Variants in XPNPEP2 observed in about 807,000 individuals in gnomAD.
The protein encoded by XPNPEP2 is xaa-Pro aminopeptidase 2.
A neutral mutation model predicts 59.8 loss-of-function variants in XPNPEP2; 64 were observed. The ratio of observed to expected loss-of-function variants is 1.07; its 90% CI spans 0.87 to 1.32. XPNPEP2 has a LOEUF of 1.32. Among genes scored for constraint, XPNPEP2 ranks in the 40% most tolerant of loss-of-function variants. The probability of loss-of-function intolerance (pLI) is 0.00; values close to 1 mark genes in which losing one functional copy is unlikely to be tolerated. For missense variants in XPNPEP2, 575 were observed against 546.8 expected (o/e 1.05, Z -0.51); for synonymous variants, 235 against 210.0 (o/e 1.12, Z -1.03).
intron 4 of XPNPEP2, 141 bp from the exon 5 acceptor site, chrX:129,746,095 C>T (rs1462426501): frequency 9.8e-6 from 5 of 509,964 alleles, no homozygotes; most frequent in Non-Finnish European, 1.3e-5. Context: ...TCCTTCCTCA[C>T]TTCTTTCCAA....
chrX:129,743,321 T>A (rs1045534175), intron 2 of XPNPEP2, among the ~76,000 whole-genome samples: 38 of 112,029 alleles, frequency 3.4e-4, no homozygotes, highest in Non-Finnish European at 6.6e-4. Flanking sequence ...CTGGGCAATA[T>A]CTCAAACTGC....
chrX:129,757,873 A>AAGAG (rs200174393), intron 14 of XPNPEP2, among the ~76,000 whole-genome samples: 9 of 66,732 alleles, frequency 1.3e-4, no homozygotes, highest in African/African-American at 4.9e-4. Context: ...GAGAGAGAGA[A>AAGAG]AGAGAGAGAG....
At position 129,752,193 on chromosome X, in the gene XPNPEP2, T is replaced by A; in HGVS notation, c.865T>A (p.Tyr289Asn). The A allele has an allele frequency of 8.3e-7, 1 of 1,211,462 alleles. No homozygotes were observed. The change falls in exon 10 of 21, where the codon TAT becomes AAT. Residue 289 changes from tyrosine to asparagine, a missense_variant. Coordinates refer to ENST00000371106, the MANE Select transcript of XPNPEP2 (RefSeq NM_003399.6). ...TCGCTTTAGCTCCGAAACCTTGAGC[T>A]ATCTGAACTCCAGTTGCACAGGCCC... ...KSRFSSETLS[Y>N]LNSSCTGPMC...
rs1354740609 is a variant in XPNPEP2 at position 129,739,243 on chromosome X, C to G, written c.30C>G (p.Pro10=). The change falls in exon 1 of 21, where the codon CCC becomes CCG. Residue 10 remains proline, a synonymous_variant. Coordinates refer to ENST00000371106, the MANE Select transcript of XPNPEP2 (RefSeq NM_003399.6). ...CCCGGGCTCACTGGGGCTGCTGCCC[C>G]TGGCTGGTCCTCCTCTGTGGTATGT... MARAHWGCC[P]WLVLLCACAW... The G allele has an allele frequency of 1.7e-6, 2 of 1,209,778 alleles. No homozygotes were observed.
intron 11 of XPNPEP2, 136 bp from the exon 12 acceptor site, chrX:129,754,336 A>G: frequency 2.0e-6 from 1 of 511,000 alleles, no homozygotes; most frequent in Non-Finnish European, 3.1e-6. Context: ...ACTAACAAGA[A>G]TTCTTTGACA....
chrX:129,766,250 G>A (rs1318960712), intron 19 of XPNPEP2, among the ~76,000 whole-genome samples: 2 of 112,106 alleles, frequency 1.8e-5, no homozygotes, highest in African/African-American at 6.5e-5. Context: ...TGCACAGAAA[G>A]ACTCTTTTCC....
At chrX:129,747,143 G>A (rs1301798195) in intron 6 of XPNPEP2, among the ~76,000 whole-genome samples, 4 of 111,930 alleles carry the variant, frequency 3.6e-5, no homozygotes, top group Non-Finnish European at 7.5e-5. Flanking sequence ...GAGTTCTGGG[G>A]CCTCAGACAG....
rs370850170 is a variant in XPNPEP2 at position 129,755,361 on chromosome X, G to A, written c.1285G>A (p.Ala429Thr). The A allele has an allele frequency of 1.7e-5, 21 of 1,209,476 alleles. No homozygotes were observed. The highest frequency in any genetic ancestry group is 2.1e-5 in the Non-Finnish European group (19 of 894,764). Residue 429 changes from alanine to threonine, a missense_variant, in exon 13 of 21, where the codon GCC becomes ACC. Coordinates refer to ENST00000371106, the MANE Select transcript of XPNPEP2 (RefSeq NM_003399.6). ...TGCTAGTGGTCTGAATGCTGCCCTG[G>A]CCCACTACAGGTACTTGAGGAAAAA... ...ISASGLNAALAHYSPTKELNR... is the reference protein window; with the variant it reads ...ISASGLNAALTHYSPTKELNR...
At chrX:129,756,703 A>G (rs1179567547) in intron 14 of XPNPEP2, 148 bp downstream of exon 14, 6 of 543,565 alleles carry the variant, frequency 1.1e-5, no homozygotes, top group African/African-American at 7.0e-5. Flanking sequence ...CATCCTACCC[A>G]TTTTCACACA....
rs764763670 is a variant in XPNPEP2 at position 129,767,622 on chromosome X, C to A, written c.1760C>A (p.Thr587Asn). Residue 587 changes from threonine (T) to asparagine (N), a missense_variant, in exon 20 of 21, where the codon ACC (threonine) becomes AAC (asparagine). Physicochemically the swap from Thr to Asn is moderately conservative, Grantham distance 65. Coordinates refer to ENST00000371106, the MANE Select transcript of XPNPEP2 (RefSeq NM_003399.6). ...TCCCAGTACCCAGGGAGCTACCTGA[C>A]CTTTGAAGTGGTATCATTTGTGCCC... The part of the protein sequence containing the change: ...AKTKYPGSYL[T>N]FEVVSFVPYD... 1.7e-6 allele frequency: 2 copies of A among 1,211,734 alleles called. No homozygotes were observed. The highest frequency in any genetic ancestry group is 2.2e-6 in the Non-Finnish European group (2 of 895,434).
chrX:129,740,496 G>A (rs184641316), intron 1 of XPNPEP2, among the ~76,000 whole-genome samples: 170 of 110,385 alleles, frequency 1.5e-3, no homozygotes, highest in Middle Eastern at 9.4e-3. Context: ...GCATGGTGGC[G>A]CACGCTTGTA....
At chrX:129,750,618 C>G in intron 8 of XPNPEP2, 49 bp downstream of exon 8, 1 of 1,036,576 alleles carries the variant, frequency 9.6e-7, no homozygotes, top group African/African-American at 1.8e-5. Context: ...CTCCCCAATG[C>G]CCCAAGCCTC....
intron 14 of XPNPEP2, among the ~76,000 whole-genome samples, chrX:129,757,808 A>AAAGAAAGAAAGAAAG (rs1926558336): frequency 1.2e-5 from 1 of 81,360 alleles, no homozygotes; most frequent in Admixed American, 1.4e-4. Flanking sequence ...AGAAAGAAAG[A>AAAGAAAGAAAGAAAG]AAGAAAGAAA....
rs1219272344 is a variant in XPNPEP2, at chrX:129,739,176, G to A, written c.-38G>A. 5.8e-6 allele frequency: 7 copies of A among 1,198,426 alleles called. No homozygotes were observed. The East Asian group carries it at 2.1e-4, about 36-fold the overall frequency. On this transcript the variant is annotated 5_prime_UTR_variant, in exon 1 of 21. Transcript: ENST00000371106. ...GGAAAGAGCCCTCCCTCTCTCCCTTGTCCCTCCATCCACCCAGCGCCGGCA... is the reference window on the plus strand; with the variant it reads ...GGAAAGAGCCCTCCCTCTCTCCCTTATCCCTCCATCCACCCAGCGCCGGCA...
chrX:129,753,018 C>A, intron 10 of XPNPEP2, 141 bp from the exon 11 acceptor site: 1 of 506,376 alleles, frequency 2.0e-6, no homozygotes, highest in South Asian at 3.0e-5. Flanking sequence ...GAGAGCATTG[C>A]CACGAAATGG....
intron 4 of XPNPEP2, 58 bp from the exon 5 acceptor site, chrX:129,746,178 G>A: frequency 9.5e-7 from 1 of 1,051,021 alleles, no homozygotes; most frequent in Middle Eastern, 3.5e-4. Context: ...ACATCCATCA[G>A]CTAATGCCAC....
chrX:129,752,344 A>G lies in XPNPEP2; in HGVS notation c.1016A>G (p.Lys339Arg). 8.3e-7 allele frequency: 1 copy of G among 1,210,148 alleles called. No individual in the cohort carries two copies. Among genetic ancestry groups the G allele is most frequent in the South Asian group, 1.8e-5 (1 of 56,807 alleles). ...TMYGIYEMIP[K>R]EKLVTDTYSP... The stretch of plus-strand genomic sequence containing the variant: ...TATGGGATCTATGAAATGATACCCA[A>G]GGTGGGTTTGCCAGGCCCCAGCCCA... The change falls in exon 10 of 21, where the codon AAG becomes AGG. Residue 339 changes from lysine to arginine, a missense_variant and splice_region_variant. Coordinates refer to ENST00000371106, the MANE Select transcript of XPNPEP2 (RefSeq NM_003399.6).
intron 15 of XPNPEP2, 50 bp downstream of exon 15, chrX:129,759,290 C>A (rs1261865734): frequency 8.4e-7 from 1 of 1,183,834 alleles, no homozygotes; most frequent in African/African-American, 1.8e-5. Context: ...AAGGGGGCAC[C>A]CAAGCAGTCA....
In XPNPEP2 at chrX:129,745,210, A is replaced by G; in HGVS notation, c.242A>G (p.Tyr81Cys). The change falls in exon 4 of 21, where the codon TAC becomes TGC. Residue 81 changes from tyrosine (Y) to cysteine (C), a missense_variant. Tyr to Cys is a radical substitution (Grantham distance 194). Transcript: ENST00000371106. The part of the protein sequence containing the change: ...IPGTDAHMNE[Y>C]IGQHDERRAW... ...GTGTTGTTGATTTCCTAGAACGAGT[A>G]CATCGGCCAACATGACGAGAGGCGT... The G allele has an allele frequency of 8.3e-7, 1 of 1,211,405 alleles. No homozygotes were observed. The highest frequency in any genetic ancestry group is 1.1e-6 in the Non-Finnish European group (1 of 895,428).
Sources: gnomAD v4.1 joint callset for allele counts (sites outside exome capture counted in the v4.1 genomes callset) on GRCh38, gnomAD v4.1.1 for gene constraint, MANE v1.5 for transcripts, NCBI Gene and HGNC (gene_info 2026-07-23, HGNC 2026-07-21) for gene names.